The following GNA15 variants were observed in gnomAD, a reference collection of about 807,000 sequenced individuals.
GNA15 encodes G protein subunit alpha 15.
A neutral mutation model predicts 40.1 loss-of-function variants in GNA15; 23 were observed. The observed-to-expected ratio is 0.57, with a 90% CI of 0.41 to 0.81. The LOEUF is 0.81. Among genes scored for constraint, GNA15 ranks in the 40% least tolerant of loss-of-function variants. The probability of loss-of-function intolerance (pLI) is 0.00; values close to 1 mark genes in which losing one functional copy is unlikely to be tolerated. For missense variants in GNA15, 522 were observed against 515.8 expected (o/e 1.01, Z -0.12); for synonymous variants, 226 against 210.4 (o/e 1.07, Z -0.64).
In GNA15 at chr19:3,145,359, A is replaced by ATATATATATATATATATAT; in HGVS notation, c.146-3231_146-3230insATATATATATATATATATT. Among the ~76,000 whole-genome samples, 206 of 46,930 alleles carry ATATATATATATATATATAT rather than the reference A, an allele frequency of 4.4e-3. 4 individuals carry two copies. Among genetic ancestry groups the ATATATATATATATATATAT allele is most frequent in the Non-Finnish European group, 5.9e-3 (152 of 25,696 alleles). The allele number at this position is 46,930 out of a possible 152,430, so 30.8% of individuals were successfully genotyped here. A position where few individuals can be genotyped will look rare whatever the true frequency, so the allele number is the denominator to read the frequency against. ...TAAATATATATATATATATATATAT[A>ATATATATATATATATATAT]TTTTTTTTTTTTTGTAGAGATGGGG... On this transcript the variant is annotated intron_variant, in intron 1 of 6. Transcript: ENST00000262958.
Position 3,163,244 on chromosome 19 carries a change from A to G in GNA15, c.*225A>G, listed in dbSNP as rs1915182356. ...CTTGACTCAGTTTCCCTCCTTTGAAAGGGAAGGAGCAAAACGGCCATTTGG... is the reference window on the plus strand; with the variant it reads ...CTTGACTCAGTTTCCCTCCTTTGAAGGGGAAGGAGCAAAACGGCCATTTGG... On this transcript the variant is annotated 3_prime_UTR_variant, in exon 7 of 7. Coordinates refer to ENST00000262958, the MANE Select transcript of GNA15 (RefSeq NM_002068.4). 1.2e-5 allele frequency: 7 copies of G among 570,260 alleles called. No individual in the cohort carries two copies. The allele number at this position is 570,260 out of a possible 1,614,324, so 35.3% of individuals were successfully genotyped here. A position where few individuals can be genotyped will look rare whatever the true frequency, so the allele number is the denominator to read the frequency against.
intron 3 of GNA15, 77 bp downstream of exon 3, chr19:3,150,362 G>A: frequency 1.5e-6 from 2 of 1,291,456 alleles, no homozygotes; most frequent in South Asian, 1.4e-5. Flanking sequence ...GCTTCCTGCA[G>A]CAGGAGATAT....
chr19:3,137,265 C>G (rs1914479869), intron 1 of GNA15, among the ~76,000 whole-genome samples: 1 of 152,140 alleles, frequency 6.6e-6, no homozygotes, highest in Non-Finnish European at 1.5e-5. Flanking sequence ...ATTCTGGCAA[C>G]AAGAATTATC....
chr19:3,136,162 G>C lies in GNA15; in HGVS notation c.-289G>C. The C allele has an allele frequency of 3.7e-6, 1 of 272,288 alleles. No individual in the cohort carries two copies. The highest frequency in any genetic ancestry group is 7.7e-5 in the East Asian group (1 of 13,006). 16.9% of individuals were successfully genotyped at this position (272,288 alleles called of 1,614,324 possible). A position where few individuals can be genotyped will look rare whatever the true frequency, so the allele number is the denominator to read the frequency against. The stretch of plus-strand genomic sequence containing the variant: ...TGGCACCCTTCACCGTCAACCTGTC[G>C]GGCCGGGTCTGAGCAGGTCTGGAGG... On this transcript the variant is annotated 5_prime_UTR_variant, in exon 1 of 7. Coordinates refer to ENST00000262958, the MANE Select transcript of GNA15 (RefSeq NM_002068.4). This position sits in a 1 kb window ranked among gnomAD's most constrained non-coding sequence, Gnocchi z 4.9.
At chr19:3,162,373 G>A (rs951417903) in intron 6 of GNA15, among the ~76,000 whole-genome samples, 29 of 144,604 alleles carry the variant, frequency 2.0e-4, no homozygotes, top group South Asian at 6.5e-4. Context: ...GCGACAGAGC[G>A]AGGCCCCATC....
chr19:3,157,429 C>T (rs532693432), intron 5 of GNA15, among the ~76,000 whole-genome samples: 1 of 152,328 alleles, frequency 6.6e-6, no homozygotes, highest in African/African-American at 2.4e-5. Flanking sequence ...GCCTATAACC[C>T]CAGCACGCTG....
intron 6 of GNA15, among the ~76,000 whole-genome samples, chr19:3,160,906 T>C (rs1049175156): frequency 6.6e-6 from 1 of 151,490 alleles, no homozygotes; most frequent in Non-Finnish European, 1.5e-5. Context: ...CACCAGTCAT[T>C]GGATTTAGGG....
intron 1 of GNA15, among the ~76,000 whole-genome samples, chr19:3,137,916 G>A (rs893926892): frequency 6.6e-6 from 1 of 151,386 alleles, no homozygotes; most frequent in African/African-American, 2.4e-5. Context: ...AGCTGAGATC[G>A]GGCCACTGCA....
chr19:3,156,496 GCA>G (rs1043304585), intron 5 of GNA15, among the ~76,000 whole-genome samples: 3 of 151,350 alleles, frequency 2.0e-5, no homozygotes, highest in Non-Finnish European at 4.4e-5. Flanking sequence ...AGGCACACAG[GCA>G]CACACATGCG....
chr19:3,144,726 C>T (rs1031919757), intron 1 of GNA15, among the ~76,000 whole-genome samples: 1 of 149,032 alleles, frequency 6.7e-6, no homozygotes, highest in Non-Finnish European at 1.5e-5. Flanking sequence ...GACGGGGTTT[C>T]ACCGTGTTAG....
Position 3,136,630 on chromosome 19 carries a change from C to T in GNA15, c.145+35C>T. On this transcript the variant is annotated intron_variant, in intron 1 of 6. Transcript: ENST00000262958. This position sits in a 1 kb window ranked among gnomAD's most constrained non-coding sequence, Gnocchi z 4.9. ...GGGTCGGTGGGCGGTGGGTGGTGGGCAGTGGGCGGTGGCCAGCCGGCAGGG... is the reference window on the plus strand; with the variant it reads ...GGGTCGGTGGGCGGTGGGTGGTGGGTAGTGGGCGGTGGCCAGCCGGCAGGG... The T allele has an allele frequency of 6.6e-7, 1 of 1,521,834 alleles. No individual in the cohort carries two copies. Among genetic ancestry groups the T allele is most frequent in the Non-Finnish European group, 8.9e-7 (1 of 1,124,462 alleles). 94.3% of individuals were successfully genotyped at this position (1,521,834 alleles called of 1,614,324 possible).
At chr19:3,156,857 G>A (rs1252567740) in intron 5 of GNA15, among the ~76,000 whole-genome samples, 1 of 152,032 alleles carries the variant, frequency 6.6e-6, no homozygotes, top group Admixed American at 6.6e-5. Context: ...ACTCCAGTAC[G>A]ACCTCATCTG....
At chr19:3,157,389 C>A (rs1031372023) in intron 5 of GNA15, among the ~76,000 whole-genome samples, 1 of 152,182 alleles carries the variant, frequency 6.6e-6, no homozygotes, top group Admixed American at 6.5e-5. Context: ...CTTCAAAGAC[C>A]CTATCTCCAG....
intron 6 of GNA15, among the ~76,000 whole-genome samples, chr19:3,161,596 C>T (rs1327555683): frequency 6.6e-6 from 1 of 152,106 alleles, no homozygotes; most frequent in Non-Finnish European, 1.5e-5. Flanking sequence ...CCAAGCAGCC[C>T]TGGGAATCAG....
Position 3,155,777 on chromosome 19 carries a change from G to T in GNA15, c.615-46G>T. 6.3e-7 allele frequency: 1 copy of T among 1,597,784 alleles called. No individual in the cohort carries two copies. The highest frequency in any genetic ancestry group is 8.5e-7 in the Non-Finnish European group (1 of 1,174,680). On this transcript the variant is annotated intron_variant, in intron 4 of 6. Coordinates refer to ENST00000262958, the MANE Select transcript of GNA15 (RefSeq NM_002068.4). This position sits in a 1 kb window ranked among gnomAD's most constrained non-coding sequence, Gnocchi z 5.6. ...CGTGATGGGGGTTGGGGGTGTCACGGAGCAGGCTCCTGAGCTCTGAAAGGG... is the reference window on the plus strand; with the variant it reads ...CGTGATGGGGGTTGGGGGTGTCACGTAGCAGGCTCCTGAGCTCTGAAAGGG...
rs187738606 is a variant in GNA15 at position 3,144,750 on chromosome 19, G to A, written c.146-3841G>A. On this transcript the variant is annotated intron_variant, in intron 1 of 6. Coordinates refer to ENST00000262958, the MANE Select transcript of GNA15 (RefSeq NM_002068.4). Reference sequence around the variant, plus strand: ...TCACCGTGTTAGCCAGGATGGTCTCGATCTCCTGACCTCGTGATCCGCCCG... The same window carrying A: ...TCACCGTGTTAGCCAGGATGGTCTCAATCTCCTGACCTCGTGATCCGCCCG... Among the ~76,000 whole-genome samples, 75 of 150,978 alleles carry A rather than the reference G, an allele frequency of 5.0e-4. No homozygotes were observed. The Middle Eastern group carries it at 0.01, about 21-fold the overall frequency.
At chr19:3,142,796 T>C (rs1269106704) in intron 1 of GNA15, among the ~76,000 whole-genome samples, 2 of 152,054 alleles carry the variant, frequency 1.3e-5, no homozygotes, top group Admixed American at 1.3e-4. Context: ...CGCTTGAACC[T>C]GGGAGGAGGA....
In GNA15 at chr19:3,155,749, A is replaced by T; in HGVS notation, c.615-74A>T. On this transcript the variant is annotated intron_variant, in intron 4 of 6. Coordinates refer to ENST00000262958, the MANE Select transcript of GNA15 (RefSeq NM_002068.4). The surrounding 1 kb of genome is among the most constrained non-coding windows in gnomAD (Gnocchi z 5.6). ...GCTATTATGGATCTTGGCATATCCC[A>T]GACGTGATGGGGGTTGGGGGTGTCA... 2 of 1,539,026 alleles carry T rather than the reference A, an allele frequency of 1.3e-6. No individual in the cohort carries two copies. Among genetic ancestry groups the T allele is most frequent in the Non-Finnish European group, 1.8e-6 (2 of 1,137,344 alleles).
At chr19:3,148,452 C>T in intron 1 of GNA15, 139 bp from the exon 2 acceptor site, 1 of 756,294 alleles carries the variant, frequency 1.3e-6, no homozygotes, top group Non-Finnish European at 2.1e-6. Flanking sequence ...AGCCTAGGGT[C>T]ACTGAGTGAG....
Sources: allele counts gnomAD v4.1 joint callset (sites outside exome capture counted in the v4.1 genomes callset), GRCh38; gene constraint gnomAD v4.1.1; non-coding constraint Gnocchi (gnomAD v3.1); transcripts MANE v1.5; gene names NCBI Gene and HGNC (gene_info 2026-07-23, HGNC 2026-07-21).